The following SYNM variants were observed in gnomAD, a reference collection of about 807,000 sequenced individuals.
SYNM encodes the protein synemin.
A neutral mutation model predicts 104.0 loss-of-function variants in SYNM; 95 were observed. The observed-to-expected ratio is 0.91, with a 90% confidence interval of 0.77 to 1.08. SYNM has a LOEUF of 1.08. Ranked by LOEUF, SYNM falls within the 50% of genes least tolerant of loss-of-function variation. SYNM has a pLI of 0.00. For synonymous variants in SYNM, 918 were observed against 869.0 expected, an observed-to-expected ratio of 1.06 and a Z score of -0.99; for missense variants, 2,150 against 2,052.2, an observed-to-expected ratio of 1.05 and a Z score of -0.92.
intron 3 of SYNM, among the ~76,000 whole-genome samples, chr15:99,127,209 T>C (rs75546487): frequency 0.074 from 11,305 of 152,210 alleles, 472 homozygotes; most frequent in Admixed American, 0.12. Context: ...CTCTGGAACC[T>C]GCTACCCTAA....
At chr15:99,110,270 C>A (rs2067289682) in intron 1 of SYNM, among the ~76,000 whole-genome samples, 1 of 152,222 alleles carries the variant, frequency 6.6e-6, no homozygotes, top group Non-Finnish European at 1.5e-5. Context: ...ACACTAAATG[C>A]TCAACGGCTG....
At position 99,110,469 on chromosome 15, in the gene SYNM, G is replaced by T. The variant is rs77955938; in HGVS notation, c.811-3122G>T. On this transcript the variant is annotated intron_variant, in intron 1 of 3. Coordinates refer to ENST00000336292, the MANE Select transcript of SYNM (RefSeq NM_145728.3). ...ATTGTAAAATATAACTTGAGTTCAGGGTGCTGTCTGGGCTAAGCTATAAAT... is the reference window on the plus strand; with the variant it reads ...ATTGTAAAATATAACTTGAGTTCAGTGTGCTGTCTGGGCTAAGCTATAAAT... Among the ~76,000 whole-genome samples, 3 of 152,184 alleles carry T rather than the reference G, an allele frequency of 2.0e-5. No individual in the cohort carries two copies. In the East Asian group the frequency reaches 5.8e-4, roughly 29 times the overall value.
intron 1 of SYNM, among the ~76,000 whole-genome samples, chr15:99,111,504 A>G (rs1567274968): frequency 1.3e-5 from 2 of 152,194 alleles, no homozygotes; most frequent in Non-Finnish European, 2.9e-5. Context: ...CACTTACATC[A>G]AGACTGGCAG....
Position 99,131,775 on chromosome 15 carries a change from C to A in SYNM, c.3415C>A (p.Arg1139=), listed in dbSNP as rs200970400. The part of the protein sequence containing the change: ...LGPSEVWRTE[R]MSYEGPTAEV... ...CCCCTCTGAAGTCTGGAGGACTGAG[C>A]GAATGTCATATGAAGGACCCACTGC... Residue 1139 remains arginine (R), a synonymous_variant, in exon 4 of 4, where the codon CGA becomes AGA. Coordinates refer to ENST00000336292, the MANE Select transcript of SYNM (RefSeq NM_145728.3). This position sits in a 1 kb window ranked among gnomAD's most constrained non-coding sequence, Gnocchi z 4.3. The A allele has an allele frequency of 6.4e-4, 1,036 of 1,613,920 alleles. No individual in the cohort carries two copies. Among genetic ancestry groups the A allele is most frequent in the Admixed American group, 8.2e-4 (49 of 60,032 alleles).
chr15:99,131,376 TCA>T lies in SYNM; in HGVS notation c.3019_3020del (p.Gln1007AsnfsTer16), dbSNP rs1555485848. The T allele has an allele frequency of 6.2e-7, 1 of 1,613,202 alleles. No homozygotes were observed. Among genetic ancestry groups the T allele is most frequent in the Admixed American group, 1.7e-5 (1 of 59,922 alleles). On this transcript the variant is annotated frameshift_variant, in exon 4 of 4. Coordinates refer to ENST00000336292, the MANE Select transcript of SYNM (RefSeq NM_145728.3). LOFTEE classifies it high-confidence loss of function. The surrounding 1 kb of genome is among the most constrained non-coding windows in gnomAD (Gnocchi z 4.3). The part of the protein sequence containing the change: ...SVTLVAEVNV[S>X]QTVDADRLDL... ...GACCCTGGTTGCTGAAGTCAACGTC[TCA>T]CAAACTGTGGATGCCGATCGGTTAG...
At chr15:99,137,374 G>A (rs1433889428), downstream of SYNM, 2 of 152,258 alleles carry the variant, frequency 1.3e-5, no homozygotes, top group Admixed American at 6.5e-5. Context: ...CGCAGCCTCC[G>A]GCTAGCCTTT....
Position 99,131,048 on chromosome 15 carries a change from C to T in SYNM, c.2688C>T (p.Pro896=). The change falls in exon 4 of 4, where the codon CCC becomes CCT. Residue 896 remains proline (P), a synonymous_variant. Transcript: ENST00000336292. The surrounding 1 kb of genome is among the most constrained non-coding windows in gnomAD (Gnocchi z 4.3). ...TGAAGCCCTTGGATGTCCCAGCGCCCTCTCTGGAGGGGGACCTGGGTTCCA... is the reference window on the plus strand; with the variant it reads ...TGAAGCCCTTGGATGTCCCAGCGCCTTCTCTGGAGGGGGACCTGGGTTCCA... The part of the protein sequence containing the change: ...KVVKPLDVPA[P]SLEGDLGSTH... The T allele has an allele frequency of 1.2e-6, 2 of 1,608,348 alleles. No individual in the cohort carries two copies. The highest frequency in any genetic ancestry group is 2.2e-5 in the South Asian group (2 of 90,122).
chr15:99,112,999 C>T (rs2067314150), intron 1 of SYNM, among the ~76,000 whole-genome samples: 1 of 152,232 alleles, frequency 6.6e-6, no homozygotes, highest in South Asian at 2.1e-4. Context: ...GTGTGAGCCA[C>T]CACGCTAGGC....
In SYNM at chr15:99,133,025, TGAG is replaced by T. The variant is rs782791795; in HGVS notation, c.4675_4677del (p.Glu1559del). 4.4e-5 allele frequency: 71 copies of T among 1,613,594 alleles called. No homozygotes were observed. Among genetic ancestry groups the T allele is most frequent in the Admixed American group, 6.7e-5 (4 of 59,990 alleles). Reference sequence around the variant, plus strand: ...AAGTTGCCCTCCTCTATCTAGACAATGAGGAGGAGGAGAATGATGGGCATTGGT... The same window carrying T: ...AAGTTGCCCTCCTCTATCTAGACAATGAGGAGGAGAATGATGGGCATTGGT... On this transcript the variant is annotated inframe_deletion, in exon 4 of 4. Transcript: ENST00000336292.
At position 99,130,551 on chromosome 15, in the gene SYNM, A is replaced by C; in HGVS notation, c.2191A>C (p.Asn731His). The C allele has an allele frequency of 1.2e-6, 2 of 1,613,864 alleles. No homozygotes were observed. The highest frequency in any genetic ancestry group is 2.2e-5 in the South Asian group (2 of 91,046). ...CGAGCAGATGATAGGAGACATCATCAACCTCGGCCTGAAAGGGAGGGAGGG... is the reference window on the plus strand; with the variant it reads ...CGAGCAGATGATAGGAGACATCATCCACCTCGGCCTGAAAGGGAGGGAGGG... Reference protein sequence around the residue: ...SAEQMIGDIINLGLKGREGRA... With the variant: ...SAEQMIGDIIHLGLKGREGRA... The change falls in exon 4 of 4, where the codon AAC (asparagine) becomes CAC (histidine). Residue 731 changes from asparagine to histidine, a missense_variant. Transcript: ENST00000336292.
At chr15:99,121,735 T>TC (rs2067403240) in intron 2 of SYNM, among the ~76,000 whole-genome samples, 1 of 152,214 alleles carries the variant, frequency 6.6e-6, no homozygotes, top group Non-Finnish European at 1.5e-5. Context: ...AGCAAGAAGC[T>TC]GTTAGAAAAC....
chr15:99,125,223 G>A (rs1428365896), intron 2 of SYNM, among the ~76,000 whole-genome samples: 2 of 152,206 alleles, frequency 1.3e-5, no homozygotes, highest in Non-Finnish European at 2.9e-5. Flanking sequence ...GCTGCAGGAC[G>A]CCACCCCTTC....
At chr15:99,121,763 A>T (rs1472059954) in intron 2 of SYNM, among the ~76,000 whole-genome samples, 1 of 152,226 alleles carries the variant, frequency 6.6e-6, no homozygotes, top group Non-Finnish European at 1.5e-5. Flanking sequence ...TTCAGAAAAG[A>T]TACTCAATAT....
chr15:99,131,970 G>T lies in SYNM; in HGVS notation c.3610G>T (p.Glu1204Ter), dbSNP rs782023943. 1 of 1,613,888 alleles carries T rather than the reference G, an allele frequency of 6.2e-7. No individual in the cohort carries two copies. The highest frequency in any genetic ancestry group is 2.2e-5 in the East Asian group (1 of 44,902). ...CTGTCCAGAGGCATGGGGCTCGCCA[G>T]AACCTGGCCCAGCAGAGTCTTCTGC... ...PACPEAWGSP[E>*]PGPAESSADM... The change falls in exon 4 of 4, where the codon GAA becomes TAA. Residue 1204 changes from glutamate to a stop codon, truncating the protein, a stop_gained. Coordinates refer to ENST00000336292, the MANE Select transcript of SYNM (RefSeq NM_145728.3). LOFTEE classifies it high-confidence loss of function. This position sits in a 1 kb window ranked among gnomAD's most constrained non-coding sequence, Gnocchi z 4.3.
Position 99,132,128 on chromosome 15 carries a change from G to T in SYNM, c.3768G>T (p.Val1256=), listed in dbSNP as rs1555486043. 1 of 1,614,002 alleles carries T rather than the reference G, an allele frequency of 6.2e-7. No homozygotes were observed. The highest frequency in any genetic ancestry group is 8.5e-7 in the Non-Finnish European group (1 of 1,179,898). ...ATTATTTTGCAACAGAAGAGTCAGT[G>T]GGTACCCAGACTTCTGTCAGGCAAC... ...VGDYFATEES[V]GTQTSVRQLQ... The change falls in exon 4 of 4, where the codon GTG becomes GTT. Residue 1256 remains valine (V), a synonymous_variant. Coordinates refer to ENST00000336292, the MANE Select transcript of SYNM (RefSeq NM_145728.3).
rs186640711 is a variant in SYNM at position 99,118,416 on chromosome 15, G to A, written c.935+4701G>A. On this transcript the variant is annotated intron_variant, in intron 2 of 3. Transcript: ENST00000336292. ...AAACCTTGACCCACCTGTGGTGGCC[G>A]TTGCCCCAGAATTGCTGAGTTGACT... Among the ~76,000 whole-genome samples the A allele has an allele frequency of 2.6e-5, 4 of 152,282 alleles. No individual in the cohort carries two copies. The East Asian group carries it at 7.7e-4, about 29-fold the overall frequency.
At chr15:99,127,666 A>G (rs1236653569) in intron 3 of SYNM, among the ~76,000 whole-genome samples, 2 of 152,218 alleles carry the variant, frequency 1.3e-5, no homozygotes, top group Non-Finnish European at 2.9e-5. Context: ...TTTTCTTTCT[A>G]ATTTTGAGAG....
intron 1 of SYNM, among the ~76,000 whole-genome samples, chr15:99,106,570 A>C (rs1766084580): frequency 6.6e-6 from 1 of 152,256 alleles, no homozygotes; most frequent in Non-Finnish European, 1.5e-5. Flanking sequence ...AGCAACCCTC[A>C]TGCAGAACAG....
At chr15:99,112,839 T>C (rs782076293) in intron 1 of SYNM, among the ~76,000 whole-genome samples, 3 of 152,198 alleles carry the variant, frequency 2.0e-5, no homozygotes, top group Admixed American at 6.5e-5. Context: ...GCCTCCTGAG[T>C]AGCTGGGATT....
Sources: allele counts gnomAD v4.1 joint callset (sites outside exome capture counted in the v4.1 genomes callset), GRCh38; gene constraint gnomAD v4.1.1; non-coding constraint Gnocchi (gnomAD v3.1); transcripts MANE v1.5; gene names NCBI Gene and HGNC (gene_info 2026-07-23, HGNC 2026-07-21).